The following GSE1 variants were observed in gnomAD, a reference collection of about 807,000 sequenced individuals.
The protein encoded by GSE1 is genetic suppressor element 1.
In GSE1, 32 loss-of-function variants were observed where a neutral mutation model predicts 112.6. The observed-to-expected ratio is 0.28, with a 90% CI of 0.21 to 0.38. The LOEUF (loss-of-function observed/expected upper bound fraction) is 0.38. Among genes scored for constraint, GSE1 ranks in the 10% least tolerant of loss-of-function variants. The probability of loss-of-function intolerance (pLI) is 1.00; values close to 1 mark genes in which losing one functional copy is unlikely to be tolerated. For missense variants in GSE1, 2,348 were observed against 1,699.2 expected, an observed-to-expected ratio of 1.38 and a Z score of -6.71; for synonymous variants, 1,115 against 735.6, an observed-to-expected ratio of 1.52 and a Z score of -8.35.
At chr16:85,609,876 C>T (rs1436986750), upstream of GSE1, among the ~76,000 whole-genome samples, 1 of 152,152 alleles carries the variant, frequency 6.6e-6, no homozygotes, top group Non-Finnish European at 1.5e-5. Context: ...AGGCCGGTCT[C>T]GAACTCCTGA....
intron 2 of GSE1, among the ~76,000 whole-genome samples, chr16:85,381,839 T>C (rs2047552027): frequency 6.6e-6 from 1 of 152,212 alleles, no homozygotes; most frequent in Admixed American, 6.5e-5. Flanking sequence ...GAAATGTCAC[T>C]GCAAAGCAAG....
At chr16:85,568,358 C>T (rs1485026567) in intron 1 of GSE1, among the ~76,000 whole-genome samples, 1 of 152,214 alleles carries the variant, frequency 6.6e-6, no homozygotes, top group African/African-American at 2.4e-5. Context: ...GGTTCGCCAG[C>T]CCTCTGAAAA....
chr16:85,292,248 C>T (rs1476312758), intron 1 of GSE1, among the ~76,000 whole-genome samples: 3 of 151,832 alleles, frequency 2.0e-5, no homozygotes, highest in South Asian at 2.1e-4. Flanking sequence ...AAGCAATTCT[C>T]ATACCTCAGC....
chr16:85,565,559 G>A (rs138647143), intron 1 of GSE1, among the ~76,000 whole-genome samples: 21 of 152,324 alleles, frequency 1.4e-4, no homozygotes, highest in South Asian at 8.3e-4. Flanking sequence ...ATGGCGAAGG[G>A]TCCCTCGAGG....
chr16:85,590,092 G>C (rs1290418747), intron 1 of GSE1, among the ~76,000 whole-genome samples: 1 of 152,056 alleles, frequency 6.6e-6, no homozygotes, highest in African/African-American at 2.4e-5. Context: ...TGTGTGTGAG[G>C]CGTGTGATTG....
At chr16:85,654,491 G>A (rs781764310) in intron 4 of GSE1, 41 bp downstream of exon 4, 2 of 1,511,274 alleles carry the variant, frequency 1.3e-6, no homozygotes, top group South Asian at 1.3e-5. Flanking sequence ...TGGCCAGGTG[G>A]GGACACAGTG....
At chr16:85,533,660 T>C (rs1437651923) in intron 2 of GSE1, among the ~76,000 whole-genome samples, 2 of 152,082 alleles carry the variant, frequency 1.3e-5, no homozygotes, top group Non-Finnish European at 2.9e-5. Context: ...GCCCAGGAGT[T>C]TGAGACCAGC....
At chr16:85,560,624 G>A (rs745395822) in intron 1 of GSE1, among the ~76,000 whole-genome samples, 21 of 152,130 alleles carry the variant, frequency 1.4e-4, no homozygotes, top group Non-Finnish European at 2.4e-4. Context: ...GAGGGCACAA[G>A]CTGTGGCCTC....
chr16:85,214,119 T>C (rs972852738), intron 1 of GSE1, among the ~76,000 whole-genome samples: 1 of 152,216 alleles, frequency 6.6e-6, no homozygotes, highest in Non-Finnish European at 1.5e-5. Flanking sequence ...ATTGACATCG[T>C]ACGAGTGTCG....
At chr16:85,343,242 G>C (rs962585975) in intron 1 of GSE1, among the ~76,000 whole-genome samples, 1 of 152,202 alleles carries the variant, frequency 6.6e-6, no homozygotes, top group Non-Finnish European at 1.5e-5. Context: ...GAACGGGAAG[G>C]CCAGCCCCAA....
At chr16:85,458,967 G>A (rs976099946) in intron 2 of GSE1, among the ~76,000 whole-genome samples, 1 of 152,158 alleles carries the variant, frequency 6.6e-6, no homozygotes, top group Non-Finnish European at 1.5e-5. Context: ...GCAGGTCTGG[G>A]TGGGGCAAGC....
At chr16:85,264,126 G>T (rs1392834826) in intron 1 of GSE1, among the ~76,000 whole-genome samples, 2 of 152,180 alleles carry the variant, frequency 1.3e-5, no homozygotes, top group African/African-American at 4.8e-5. Flanking sequence ...TTAGCAGTTA[G>T]GGATTATGGG....
intron 1 of GSE1, among the ~76,000 whole-genome samples, chr16:85,294,268 G>A (rs532770538): frequency 6.6e-6 from 1 of 152,302 alleles, no homozygotes; most frequent in Non-Finnish European, 1.5e-5. Context: ...TCCAGTCAGA[G>A]TCCACCTCTG....
intron 1 of GSE1, among the ~76,000 whole-genome samples, chr16:85,339,728 T>C (rs984611605): frequency 1.3e-5 from 2 of 152,210 alleles, no homozygotes; most frequent in African/African-American, 4.8e-5. Flanking sequence ...CCTTTGCTGG[T>C]GAGAGTCTTA....
intron 2 of GSE1, among the ~76,000 whole-genome samples, chr16:85,422,210 T>A (rs1429915653): frequency 6.6e-6 from 1 of 152,116 alleles, no homozygotes; most frequent in African/African-American, 2.4e-5. Context: ...CTTCTTCTAA[T>A]GGGTTAAGTG....
chr16:85,623,292 G>A (rs1366424792), intron 1 of GSE1, among the ~76,000 whole-genome samples: 1 of 151,248 alleles, frequency 6.6e-6, no homozygotes, highest in Non-Finnish European at 1.5e-5. Context: ...ACAACTCAAG[G>A]CAGCCTCAAC....
At chr16:85,306,601 T>C (rs1468017119) in intron 1 of GSE1, among the ~76,000 whole-genome samples, 1 of 152,134 alleles carries the variant, frequency 6.6e-6, no homozygotes, top group South Asian at 2.1e-4. Context: ...CAGGCTGGAG[T>C]GCAGTGGTAC....
Position 85,656,569 on chromosome 16 carries a change from C to T in GSE1, c.1216C>T (p.Pro406Ser). ...KELLAAKALEPSFLPVAELHG... is the reference protein window; with the variant it reads ...KELLAAKALESSFLPVAELHG... ...GCTGCTGGCCGCCAAGGCCCTGGAG[C>T]CCAGCTTCCTGCCCGTGGCCGAGCT... Residue 406 changes from proline (P) to serine (S), a missense_variant, in exon 7 of 16, where the codon CCC (proline) becomes TCC (serine). By Grantham distance (74) the Pro-to-Ser change is moderately conservative (BLOSUM62 -1). Transcript: ENST00000253458. 4 of 1,547,820 alleles carry T rather than the reference C, an allele frequency of 2.6e-6. No homozygotes were observed. The South Asian group carries it at 3.6e-5, about 14-fold the overall frequency.
intron 2 of GSE1, among the ~76,000 whole-genome samples, chr16:85,415,083 C>A (rs2048673205): frequency 6.6e-6 from 1 of 152,094 alleles, no homozygotes; most frequent in Non-Finnish European, 1.5e-5. Flanking sequence ...TAGCTGGGAC[C>A]TTGGGTGTGC....
Sources: gnomAD v4.1 joint callset for allele counts (sites outside exome capture counted in the v4.1 genomes callset) on GRCh38, gnomAD v4.1.1 for gene constraint, MANE v1.5 for transcripts, NCBI Gene and HGNC (gene_info 2026-07-23, HGNC 2026-07-21) for gene names.